Variants in FAM227B observed in about 807,000 individuals in gnomAD.
FAM227B encodes protein FAM227B.
In FAM227B, 88 loss-of-function variants were observed where a neutral mutation model predicts 73.8. The ratio of observed to expected loss-of-function variants is 1.19; its 90% CI spans 1.00 to 1.42. FAM227B has a LOEUF of 1.42. Among genes scored for constraint, FAM227B ranks in the 40% most tolerant of loss-of-function variants. FAM227B has a pLI of 0.00. For synonymous variants in FAM227B, 210 were observed against 190.5 expected (o/e 1.10, Z -0.84); for missense variants, 632 against 590.9 (o/e 1.07, Z -0.72).
At chr15:49,577,298 C>A in intron 6 of FAM227B, 1 of 331,058 alleles carries the variant, frequency 3.0e-6, no homozygotes, top group Non-Finnish European at 5.8e-6. Context: ...CCCCATTCCC[C>A]ACACCCCCTG....
At chr15:49,469,927 A>G (rs2054585906) in intron 11 of FAM227B, among the ~76,000 whole-genome samples, 1 of 152,170 alleles carries the variant, frequency 6.6e-6, no homozygotes, top group Non-Finnish European at 1.5e-5. Context: ...TCCACATCAA[A>G]CCAAAGAATT....
intron 11 of FAM227B, chr15:49,485,932 C>T (rs2152032541): frequency 6.6e-6 from 1 of 151,996 alleles, no homozygotes; most frequent in Non-Finnish European, 1.5e-5. Flanking sequence ...GAGCACAATG[C>T]CCAAAATAGA....
At chr15:49,347,205 A>T (rs1204361332) in intron 13 of FAM227B, among the ~76,000 whole-genome samples, 2 of 152,238 alleles carry the variant, frequency 1.3e-5, no homozygotes, top group Admixed American at 6.5e-5. Context: ...TAATTCAACA[A>T]AATTGCCAGG....
intron 13 of FAM227B, among the ~76,000 whole-genome samples, chr15:49,341,950 G>A (rs774098288): frequency 6.6e-6 from 1 of 152,158 alleles, no homozygotes; most frequent in Non-Finnish European, 1.5e-5. Context: ...TTATGGCCGA[G>A]CATGTGGTTA....
chr15:49,424,550 G>A (rs764225350), intron 11 of FAM227B: 1 of 1,603,052 alleles, frequency 6.2e-7, no homozygotes, highest in South Asian at 1.1e-5. Flanking sequence ...AAGAGGCAAA[G>A]TAAAAGGGAC....
intron 9 of FAM227B, among the ~76,000 whole-genome samples, chr15:49,552,173 C>T (rs535276868): frequency 2.5e-4 from 38 of 152,208 alleles, no homozygotes; most frequent in African/African-American, 7.5e-4. Flanking sequence ...AGGATAGGTC[C>T]GGTATTGCTG....
At chr15:49,560,501 A>G (rs956840130) in intron 9 of FAM227B, among the ~76,000 whole-genome samples, 8 of 152,168 alleles carry the variant, frequency 5.3e-5, no homozygotes, top group Admixed American at 4.6e-4. Flanking sequence ...AGAGAGGTAG[A>G]CATCCAAATT....
At chr15:49,525,051 GT>G (rs2060057938) in intron 10 of FAM227B, among the ~76,000 whole-genome samples, 2 of 152,156 alleles carry the variant, frequency 1.3e-5, no homozygotes, top group Non-Finnish European at 2.9e-5. Context: ...GCTGAAATGA[GT>G]TAAGACTTTG....
At chr15:49,549,204 C>T (rs769606282) in intron 9 of FAM227B, among the ~76,000 whole-genome samples, 1 of 151,990 alleles carries the variant, frequency 6.6e-6, no homozygotes, top group Non-Finnish European at 1.5e-5. Flanking sequence ...GTTGTGTTTC[C>T]ATAGTCGTTT....
chr15:49,606,817 G>T (rs1461737936), intron 3 of FAM227B, among the ~76,000 whole-genome samples: 1 of 152,192 alleles, frequency 6.6e-6, no homozygotes, highest in Non-Finnish European at 1.5e-5. Context: ...GAAGCAGATG[G>T]AATGAAAAGG....
chr15:49,519,547 C>A lies in FAM227B; in HGVS notation c.875-11199G>T, dbSNP rs529055786. Among the ~76,000 whole-genome samples the A allele has an allele frequency of 4.6e-5, 7 of 152,250 alleles. No individual in the cohort carries two copies. In the South Asian group the frequency reaches 1.2e-3, roughly 27 times the overall value. ...TGCTTAACTTCTGTGCACCCTCAGG[C>A]TCAACACCATGTGTAAGCCACCGAG... is the stretch of plus-strand genomic sequence containing the variant. On this transcript the variant is annotated intron_variant, in intron 10 of 15. Transcript: ENST00000299338.
At chr15:49,481,085 G>A (rs1185431629) in intron 11 of FAM227B, among the ~76,000 whole-genome samples, 3 of 152,124 alleles carry the variant, frequency 2.0e-5, no homozygotes, top group African/African-American at 7.2e-5. Flanking sequence ...TAAATAAAGG[G>A]AGGAATGGCA....
At chr15:49,489,750 A>G (rs2056726006) in intron 11 of FAM227B, among the ~76,000 whole-genome samples, 1 of 139,596 alleles carries the variant, frequency 7.2e-6, no homozygotes, top group African/African-American at 2.6e-5. Flanking sequence ...CCTGTTCTAT[A>G]TATATCTATA....
intron 11 of FAM227B, among the ~76,000 whole-genome samples, chr15:49,413,440 T>C (rs1205781149): frequency 6.6e-6 from 1 of 152,096 alleles, no homozygotes; most frequent in African/African-American, 2.4e-5. Context: ...CTTTTGTAAA[T>C]TGCCCAGTCT....
intron 11 of FAM227B, chr15:49,396,466 C>T (rs375404576): frequency 1.3e-4 from 24 of 181,026 alleles, no homozygotes; most frequent in Non-Finnish European, 2.3e-4. Context: ...ACAAAGCAGC[C>T]GGGAAGCTCG....
At chr15:49,428,336 T>C (rs2050302308) in intron 11 of FAM227B, among the ~76,000 whole-genome samples, 2 of 151,990 alleles carry the variant, frequency 1.3e-5, no homozygotes, top group Non-Finnish European at 2.9e-5. Context: ...AAGCATAAAA[T>C]GTCCCTCCAA....
intron 11 of FAM227B, among the ~76,000 whole-genome samples, chr15:49,378,051 C>A (rs555264197): frequency 1.8e-4 from 27 of 152,176 alleles, no homozygotes; most frequent in Admixed American, 1.7e-3. Context: ...CAAGAGATAG[C>A]GGTGTAGTTT....
At chr15:49,332,646 A>T (rs768043792) in intron 14 of FAM227B, among the ~76,000 whole-genome samples, 2 of 152,226 alleles carry the variant, frequency 1.3e-5, no homozygotes, top group African/African-American at 2.4e-5. Flanking sequence ...TAAAGGATAT[A>T]TAAGACTATT....
At chr15:49,363,929 A>G (rs972343150) in intron 13 of FAM227B, among the ~76,000 whole-genome samples, 1 of 152,024 alleles carries the variant, frequency 6.6e-6, no homozygotes, top group African/African-American at 2.4e-5. Flanking sequence ...ATTGATTTGC[A>G]CATGTTGCAT....
Sources: allele counts gnomAD v4.1 joint callset (sites outside exome capture counted in the v4.1 genomes callset), GRCh38; gene constraint gnomAD v4.1.1; transcripts MANE v1.5; gene names NCBI Gene and HGNC (gene_info 2026-07-23, HGNC 2026-07-21).